FAF2: variants seen among roughly 807,000 people sequenced by gnomAD.
FAF2 encodes the protein Fas associated factor family member 2.
FAF2 carries 9 observed loss-of-function variants against 62.3 expected under a neutral mutation model. The ratio of observed to expected loss-of-function variants is 0.14; its 90% CI spans 0.09 to 0.25. The LOEUF (loss-of-function observed/expected upper bound fraction) is 0.25, where lower values mean the gene tolerates loss of function less well. Among genes scored for constraint, FAF2 ranks in the 10% least tolerant of loss-of-function variants. The pLI is 1.00. For synonymous variants in FAF2, 202 were observed against 198.0 expected (o/e 1.02, Z -0.17); for missense variants, 368 against 556.2 (o/e 0.66, Z 3.40).
rs543111569 is a variant in FAF2 at position 176,468,149 on chromosome 5, G to C, written c.64-11039G>C. ...CACTACACTCCAGCCTGGACGACAAGAGTGAGAATCTGTCTCAAGAAAAGA... is the reference window on the plus strand; with the variant it reads ...CACTACACTCCAGCCTGGACGACAACAGTGAGAATCTGTCTCAAGAAAAGA... On this transcript the variant is annotated intron_variant, in intron 1 of 10. Coordinates refer to ENST00000261942, the MANE Select transcript of FAF2 (RefSeq NM_014613.3). Among the ~76,000 whole-genome samples the C allele has an allele frequency of 2.0e-5, 3 of 152,230 alleles. No individual in the cohort carries two copies. In the East Asian group the frequency reaches 5.8e-4, roughly 29 times the overall value.
chr5:176,476,804 A>ATTTTTTT (rs749952460), intron 1 of FAF2, among the ~76,000 whole-genome samples: 3 of 92,878 alleles, frequency 3.2e-5, no homozygotes, highest in Non-Finnish European at 4.2e-5. Flanking sequence ...TGCTGAACTA[A>ATTTTTTT]TTTTTTTTTT....
At position 176,494,374 on chromosome 5, in the gene FAF2, G is replaced by C. The variant is rs1759026393; in HGVS notation, c.661+99G>C. ...CATTTATTACAAGTGTGTTTGTTCTGTGGTAGATACGACGCTAGTTGCTAT... is the reference window on the plus strand; with the variant it reads ...CATTTATTACAAGTGTGTTTGTTCTCTGGTAGATACGACGCTAGTTGCTAT... On this transcript the variant is annotated intron_variant, in intron 7 of 10. Coordinates refer to ENST00000261942, the MANE Select transcript of FAF2 (RefSeq NM_014613.3). This position sits in a 1 kb window ranked among gnomAD's most constrained non-coding sequence, Gnocchi z 4.0. 1.9e-5 allele frequency: 19 copies of C among 1,018,180 alleles called. No individual in the cohort carries two copies. In the South Asian group the frequency reaches 2.3e-4, roughly 12 times the overall value. The allele number at this position is 1,018,180 out of a possible 1,614,324, so 63.1% of individuals were successfully genotyped here.
intron 2 of FAF2, among the ~76,000 whole-genome samples, chr5:176,480,115 G>A (rs1758764345): frequency 6.6e-6 from 1 of 152,110 alleles, no homozygotes; most frequent in Non-Finnish European, 1.5e-5. Context: ...TGTATTCCCA[G>A]CATATAACAT....
In FAF2 at chr5:176,486,255, A is replaced by G. The variant is rs1378086311; in HGVS notation, c.133-100A>G. 7.5e-6 allele frequency: 11 copies of G among 1,472,304 alleles called. No individual in the cohort carries two copies. The Admixed American group carries it at 1.7e-4, about 22-fold the overall frequency. The allele number at this position is 1,472,304 out of a possible 1,614,324, so 91.2% of individuals were successfully genotyped here. A position where few individuals can be genotyped will look rare whatever the true frequency, so the allele number is the denominator to read the frequency against. On this transcript the variant is annotated intron_variant, in intron 2 of 10. Transcript: ENST00000261942. ...TCAGTGACCTTTTGGTGTATTCATG[A>G]CCATCCTGTTTTGGAATACCACGCA...
At chr5:176,450,720 AT>A (rs1240838504) in intron 1 of FAF2, among the ~76,000 whole-genome samples, 2 of 151,896 alleles carry the variant, frequency 1.3e-5, no homozygotes, top group Non-Finnish European at 2.9e-5. Flanking sequence ...CATCCAGCGA[AT>A]TTTTTGTATT....
chr5:176,484,183 A>G (rs2113735834), intron 2 of FAF2, among the ~76,000 whole-genome samples: 1 of 152,300 alleles, frequency 6.6e-6, no homozygotes, highest in East Asian at 1.9e-4. Flanking sequence ...CTTGGCATAG[A>G]TGTATAACAA....
chr5:176,460,762 G>A (rs1244499576), intron 1 of FAF2, among the ~76,000 whole-genome samples: 1 of 151,894 alleles, frequency 6.6e-6, no homozygotes, highest in African/African-American at 2.4e-5. Context: ...ACCAGCCTGG[G>A]CAACATTGCA....
intron 10 of FAF2, 135 bp downstream of exon 10, chr5:176,500,281 T>G: frequency 1.3e-6 from 1 of 787,052 alleles, no homozygotes; most frequent in Non-Finnish European, 2.0e-6. Context: ...GAGAGAGAGA[T>G]GGGTATGCCA....
At chr5:176,475,105 T>G (rs924893457) in intron 1 of FAF2, among the ~76,000 whole-genome samples, 4 of 152,116 alleles carry the variant, frequency 2.6e-5, no homozygotes, top group African/African-American at 9.7e-5. Context: ...CACTCTGTTC[T>G]CTCCTGCAAT....
chr5:176,484,237 T>C (rs1758835293), intron 2 of FAF2, among the ~76,000 whole-genome samples: 1 of 152,128 alleles, frequency 6.6e-6, no homozygotes, highest in Admixed American at 6.6e-5. Context: ...AGTTTCACAT[T>C]CTGTGGTTTC....
At chr5:176,458,291 A>ATGTTATTGAACT (rs1758312079) in intron 1 of FAF2, among the ~76,000 whole-genome samples, 1 of 151,548 alleles carries the variant, frequency 6.6e-6, no homozygotes, top group Non-Finnish European at 1.5e-5. Flanking sequence ...CATGTTGGCC[A>ATGTTATTGAACT]GGCTGGTATT....
chr5:176,491,639 T>C (rs1437446983), intron 4 of FAF2, among the ~76,000 whole-genome samples: 1 of 152,190 alleles, frequency 6.6e-6, no homozygotes, highest in East Asian at 1.9e-4. Context: ...TCTAGAGCAC[T>C]GTCCAGTAGA....
rs751775026 is a variant in FAF2, at chr5:176,458,408, C to CTTTTTTTTTTTTTTTTT, written c.63+9941_63+9957dup. ...CAGAATAATATTTTTCTTTTTCTTCCTTTTTTTTTTTTTTTTTTTGAGACG... is the reference window on the plus strand; with the variant it reads ...CAGAATAATATTTTTCTTTTTCTTCCTTTTTTTTTTTTTTTTTTTTTTTTTTTTTTTTTTTTGAGACG... On this transcript the variant is annotated intron_variant, in intron 1 of 10. Coordinates refer to ENST00000261942, the MANE Select transcript of FAF2 (RefSeq NM_014613.3). 4.4e-4 allele frequency among the ~76,000 whole-genome samples: 38 copies of CTTTTTTTTTTTTTTTTT among 86,362 alleles called. 2 individuals carry two copies. Among genetic ancestry groups the CTTTTTTTTTTTTTTTTT allele is most frequent in the African/African-American group, 9.4e-4 (21 of 22,268 alleles). The allele number at this position is 86,362 out of a possible 152,430, so 56.7% of individuals were successfully genotyped here.
chr5:176,478,558 T>C (rs1024232666), intron 1 of FAF2, among the ~76,000 whole-genome samples: 1 of 152,192 alleles, frequency 6.6e-6, no homozygotes, highest in African/African-American at 2.4e-5. Context: ...TTAATACCAG[T>C]ATATAAAATG....
At chr5:176,459,049 G>A (rs1185437170) in intron 1 of FAF2, among the ~76,000 whole-genome samples, 1 of 151,918 alleles carries the variant, frequency 6.6e-6, no homozygotes, top group East Asian at 1.9e-4. Context: ...GAGTTTTGGG[G>A]GGTTCAAACT....
chr5:176,468,024 G>A (rs1382398022), intron 1 of FAF2, among the ~76,000 whole-genome samples: 1 of 152,080 alleles, frequency 6.6e-6, no homozygotes, highest in African/African-American at 2.4e-5. Context: ...AATTAATCGG[G>A]TGTGTTGGTG....
intron 1 of FAF2, among the ~76,000 whole-genome samples, chr5:176,450,617 G>C (rs966588711): frequency 3.3e-5 from 5 of 151,164 alleles, no homozygotes; most frequent in African/African-American, 9.7e-5. Context: ...GCAGTGGCGC[G>C]ATCTCGGCTC....
rs146227777 is a variant in FAF2, at chr5:176,469,482, C to T, written c.64-9706C>T. ...CAATATTCTTTCTCTCTGAACAAAG[C>T]TGGCATTGCAAAACTTAGGTTGGCA... On this transcript the variant is annotated intron_variant, in intron 1 of 10. Coordinates refer to ENST00000261942, the MANE Select transcript of FAF2 (RefSeq NM_014613.3). 4.5e-3 allele frequency among the ~76,000 whole-genome samples: 686 copies of T among 152,296 alleles called. 6 individuals are homozygous for T. The highest frequency in any genetic ancestry group is 0.016 in the African/African-American group (661 of 41,552).
chr5:176,493,905 C>T, intron 5 of FAF2, 94 bp from the exon 6 acceptor site: 8 of 816,878 alleles, frequency 9.8e-6, no homozygotes, highest in Non-Finnish European at 1.4e-5. Context: ...CCTTTTGTTC[C>T]TAAATACATA....
Sources: gnomAD v4.1 joint callset for allele counts (sites outside exome capture counted in the v4.1 genomes callset) on GRCh38, gnomAD v4.1.1 for gene constraint, Gnocchi (gnomAD v3.1) non-coding constraint, MANE v1.5 for transcripts, NCBI Gene and HGNC (gene_info 2026-07-23, HGNC 2026-07-21) for gene names.